Variants in BLTP3B observed in about 807,000 individuals in gnomAD.
BLTP3B encodes UHRF1 (ICBP90) binding protein 1-like.
chr12:100,128,869 C>CAA, the BLTP3B span: 1 of 637,716 alleles, frequency 1.6e-6, no homozygotes, highest in Admixed American at 5.0e-5. Flanking sequence ...TCACTAAAGG[C>CAA]AAACTGCCTA....
the BLTP3B span, chr12:100,072,818 A>G: frequency 6.3e-7 from 1 of 1,583,016 alleles, no homozygotes; most frequent in Admixed American, 2.1e-5. Flanking sequence ...AGAGACCTGA[A>G]AAGATAAATA....
the BLTP3B span, among the ~76,000 whole-genome samples, chr12:100,073,678 T>C: frequency 1.3e-5 from 2 of 152,126 alleles, no homozygotes; most frequent in African/African-American, 4.8e-5. Context: ...GTCAAATAGT[T>C]TGATCGCTCG....
At chr12:100,083,151 C>A in the BLTP3B span, 15 of 1,584,254 alleles carry the variant, frequency 9.5e-6, no homozygotes, top group South Asian at 1.2e-4. Context: ...GAAACAAAAA[C>A]TCCTTTCAAT....
the BLTP3B span, among the ~76,000 whole-genome samples, chr12:100,119,458 A>G: frequency 3.9e-5 from 6 of 152,200 alleles, no homozygotes; most frequent in Non-Finnish European, 8.8e-5. Flanking sequence ...TAAAATTTTC[A>G]TGAAAATGTA....
At chr12:100,128,052 C>T in the BLTP3B span, among the ~76,000 whole-genome samples, 104 of 152,196 alleles carry the variant, frequency 6.8e-4, no homozygotes, top group African/African-American at 2.4e-3. Flanking sequence ...AAAAAGAATC[C>T]CATTTGCACT....
the BLTP3B span, among the ~76,000 whole-genome samples, chr12:100,096,547 C>T: frequency 6.6e-6 from 1 of 151,880 alleles, no homozygotes; most frequent in Admixed American, 6.6e-5. Flanking sequence ...GGCCAGGCAT[C>T]GTGGCTCACA....
the BLTP3B span, among the ~76,000 whole-genome samples, chr12:100,124,978 A>ATATATATATATATATT: frequency 1.0e-5 from 1 of 99,260 alleles, no homozygotes; most frequent in African/African-American, 5.3e-5. Flanking sequence ...ATATATATAT[A>ATATATATATATATATT]TTTATATTTA....
At chr12:100,101,885 C>G in the BLTP3B span, among the ~76,000 whole-genome samples, 10 of 152,194 alleles carry the variant, frequency 6.6e-5, no homozygotes, top group African/African-American at 2.4e-4. Flanking sequence ...CTCACTGCAG[C>G]CTTGACCTCC....
the BLTP3B span, among the ~76,000 whole-genome samples, chr12:100,092,090 A>AC: frequency 2.0e-5 from 3 of 152,254 alleles, no homozygotes; most frequent in African/African-American, 7.2e-5. Context: ...ATTACACTGC[A>AC]CCTGGCCCCT....
the BLTP3B span, among the ~76,000 whole-genome samples, chr12:100,120,273 G>A: frequency 1.3e-4 from 20 of 152,152 alleles, no homozygotes; most frequent in Non-Finnish European, 2.6e-4. Context: ...CTACTCGGGA[G>A]GCTGAGGCAG....
the BLTP3B span, among the ~76,000 whole-genome samples, chr12:100,053,583 A>G: frequency 3.3e-5 from 5 of 152,186 alleles, 1 homozygote; most frequent in South Asian, 1.0e-3. Context: ...GCATGCACAT[A>G]CATATCTTTT....
the BLTP3B span, among the ~76,000 whole-genome samples, chr12:100,141,268 G>A: frequency 2.6e-5 from 4 of 150,946 alleles, no homozygotes; most frequent in Admixed American, 1.3e-4. Context: ...CGGATCACCT[G>A]AGGTTGGGAG....
the BLTP3B span, among the ~76,000 whole-genome samples, chr12:100,133,991 TA>T: frequency 6.6e-6 from 1 of 152,220 alleles, no homozygotes; most frequent in Non-Finnish European, 1.5e-5. Flanking sequence ...AATTAAACTT[TA>T]CCAGAGGGAT....
chr12:100,100,778 T>C, the BLTP3B span, among the ~76,000 whole-genome samples: 1 of 152,056 alleles, frequency 6.6e-6, no homozygotes, highest in Non-Finnish European at 1.5e-5. Flanking sequence ...ATTCATTTTA[T>C]TGATATCCAT....
At chr12:100,058,863 A>G in the BLTP3B span, 176 of 1,613,988 alleles carry the variant, frequency 1.1e-4, no homozygotes, top group Non-Finnish European at 1.4e-4. Context: ...TAGGAGATGA[A>G]TATCTGCCTC....
At chr12:100,095,078 T>C in the BLTP3B span, among the ~76,000 whole-genome samples, 2 of 152,238 alleles carry the variant, frequency 1.3e-5, no homozygotes, top group African/African-American at 4.8e-5. Context: ...CTGTCTCTTC[T>C]ATAAAGACCT....
chr12:100,101,486 AAT>A, the BLTP3B span, among the ~76,000 whole-genome samples: 4 of 152,212 alleles, frequency 2.6e-5, no homozygotes, highest in African/African-American at 9.6e-5. Flanking sequence ...TATTTTACGC[AAT>A]ATGAGGAGGC....
chr12:100,095,068 C>T, the BLTP3B span, among the ~76,000 whole-genome samples: 1 of 152,316 alleles, frequency 6.6e-6, no homozygotes, highest in East Asian at 1.9e-4. Flanking sequence ...ATAACTATCA[C>T]TGTCTCTTCT....
the BLTP3B span, among the ~76,000 whole-genome samples, chr12:100,043,326 C>A: frequency 6.6e-6 from 1 of 152,108 alleles, no homozygotes; most frequent in Non-Finnish European, 1.5e-5. Context: ...ATTCCATCAC[C>A]ACTTGTGAAA....
Sources: gnomAD v4.1 joint callset for allele counts (sites outside exome capture counted in the v4.1 genomes callset) on GRCh38, gnomAD v4.1.1 for gene constraint, MANE v1.5 for transcripts, NCBI Gene and HGNC (gene_info 2026-07-23, HGNC 2026-07-21) for gene names.